The following EPHA6 variants were observed in gnomAD, a reference collection of about 807,000 sequenced individuals.
EPHA6 encodes the protein EPH receptor A6.
Under a neutral mutation model 112.0 loss-of-function variants are expected in EPHA6, and 50 were observed. That is an observed-to-expected ratio of 0.45 (90% CI 0.36 to 0.56). The LOEUF (loss-of-function observed/expected upper bound fraction) is 0.56, where lower values mean the gene tolerates loss of function less well. Ranked by LOEUF, EPHA6 falls within the 20% of genes least tolerant of loss-of-function variation. The pLI, the probability that EPHA6 is intolerant of heterozygous loss-of-function variation, is 0.00. For missense variants in EPHA6, 1,280 were observed against 1,417.4 expected (o/e 0.90, Z 1.56); for synonymous variants, 529 against 490.7 (o/e 1.08, Z -1.03).
intron 4 of EPHA6, among the ~76,000 whole-genome samples, chr3:97,236,076 T>G (rs955603137): frequency 4.6e-5 from 7 of 152,000 alleles, no homozygotes; most frequent in Admixed American, 3.9e-4. Flanking sequence ...TGCTCTGTAC[T>G]TTAAAGAATG....
At chr3:97,646,527 G>C (rs574295728) in intron 14 of EPHA6, among the ~76,000 whole-genome samples, 3 of 152,132 alleles carry the variant, frequency 2.0e-5, no homozygotes, top group African/African-American at 4.8e-5. Flanking sequence ...GTTTATTATA[G>C]AGCGACCATA....
chr3:97,539,030 T>TCTTTCTTG (rs894963306), intron 11 of EPHA6, among the ~76,000 whole-genome samples: 119 of 145,708 alleles, frequency 8.2e-4, no homozygotes, highest in East Asian at 2.6e-3. Flanking sequence ...TTTCTTTCTT[T>TCTTTCTTG]CTTTCTTGCT....
At chr3:97,318,696 T>C (rs1171084056) in intron 5 of EPHA6, among the ~76,000 whole-genome samples, 2 of 152,016 alleles carry the variant, frequency 1.3e-5, no homozygotes, top group East Asian at 1.9e-4. Context: ...ACTCACTATT[T>C]CTTTATTAAA....
intron 3 of EPHA6, among the ~76,000 whole-genome samples, chr3:97,026,783 A>AAT (rs2108000694): frequency 6.6e-6 from 1 of 152,308 alleles, no homozygotes; most frequent in Non-Finnish European, 1.5e-5. Flanking sequence ...AGTAAAAAAT[A>AAT]ATAGATGCTA....
intron 10 of EPHA6, among the ~76,000 whole-genome samples, chr3:97,490,075 G>T (rs1406739793): frequency 6.6e-6 from 1 of 151,854 alleles, no homozygotes; most frequent in Admixed American, 6.6e-5. Context: ...ATAAATGCTT[G>T]TTTAATAAAT....
At chr3:96,984,831 G>T (rs2042956990) in intron 2 of EPHA6, among the ~76,000 whole-genome samples, 1 of 152,230 alleles carries the variant, frequency 6.6e-6, no homozygotes, top group Non-Finnish European at 1.5e-5. Context: ...GGCTCCGTGG[G>T]CATGGCACCC....
chr3:97,301,829 A>G (rs986973755), intron 5 of EPHA6, among the ~76,000 whole-genome samples: 2 of 151,794 alleles, frequency 1.3e-5, no homozygotes, highest in South Asian at 4.1e-4. Flanking sequence ...TTATAATTAT[A>G]TAATGAATCT....
At chr3:97,630,265 G>A (rs775972377) in intron 13 of EPHA6, among the ~76,000 whole-genome samples, 1 of 151,778 alleles carries the variant, frequency 6.6e-6, no homozygotes, top group Non-Finnish European at 1.5e-5. Context: ...GACTACAAGA[G>A]AAAGATCTTT....
intron 3 of EPHA6, among the ~76,000 whole-genome samples, chr3:97,168,746 T>G (rs1477450800): frequency 1.3e-5 from 2 of 152,114 alleles, no homozygotes; most frequent in Non-Finnish European, 2.9e-5. Flanking sequence ...AATGGTCAGC[T>G]CATTAAGACC....
intron 6 of EPHA6, among the ~76,000 whole-genome samples, chr3:97,419,776 G>GA (rs1172570406): frequency 1.3e-5 from 2 of 151,932 alleles, no homozygotes; most frequent in African/African-American, 4.8e-5. Flanking sequence ...ACCAAAAATT[G>GA]AAAAAACTGA....
intron 3 of EPHA6, among the ~76,000 whole-genome samples, chr3:97,066,115 A>G (rs2046169295): frequency 1.3e-5 from 2 of 152,050 alleles, no homozygotes; most frequent in African/African-American, 4.8e-5. Flanking sequence ...TTAGAAATTT[A>G]TATTTCTAAT....
chr3:97,659,996 G>T (rs903370674), intron 14 of EPHA6, among the ~76,000 whole-genome samples: 6 of 151,948 alleles, frequency 3.9e-5, no homozygotes, highest in African/African-American at 1.4e-4. Flanking sequence ...GATGGGTATT[G>T]TTCTTATTCT....
At chr3:97,617,262 G>C (rs2093774601) in intron 13 of EPHA6, among the ~76,000 whole-genome samples, 2 of 152,004 alleles carry the variant, frequency 1.3e-5, no homozygotes, top group Non-Finnish European at 2.9e-5. Flanking sequence ...TGTCTTATAA[G>C]AGCTCCTGAA....
intron 1 of EPHA6, among the ~76,000 whole-genome samples, chr3:96,851,281 C>T (rs2035368701): frequency 6.6e-6 from 1 of 152,048 alleles, no homozygotes; most frequent in African/African-American, 2.4e-5. Flanking sequence ...TGACTATAAA[C>T]TCCAATAATA....
intron 14 of EPHA6, among the ~76,000 whole-genome samples, chr3:97,654,386 G>A (rs1162795321): frequency 6.6e-6 from 1 of 151,846 alleles, no homozygotes; most frequent in Non-Finnish European, 1.5e-5. Flanking sequence ...GTTTTGGTAG[G>A]TACTGTTCTG....
chr3:97,068,742 G>A (rs1374959611), intron 3 of EPHA6, among the ~76,000 whole-genome samples: 3 of 152,086 alleles, frequency 2.0e-5, no homozygotes, highest in Non-Finnish European at 1.5e-5. Flanking sequence ...TAGATCATGC[G>A]GGTAGAACAC....
At chr3:97,095,742 T>C (rs2108244360) in intron 3 of EPHA6, among the ~76,000 whole-genome samples, 1 of 151,408 alleles carries the variant, frequency 6.6e-6, no homozygotes, top group African/African-American at 2.4e-5. Context: ...TGTACCATCA[T>C]CACTTGAAGG....
chr3:97,214,653 C>T (rs78723673), intron 3 of EPHA6, among the ~76,000 whole-genome samples: 20 of 151,652 alleles, frequency 1.3e-4, no homozygotes, highest in Non-Finnish European at 2.8e-4. Flanking sequence ...AAATTATAAG[C>T]GTATTTTGAA....
At chr3:97,634,428 G>A (rs546709863) in intron 13 of EPHA6, among the ~76,000 whole-genome samples, 3 of 151,730 alleles carry the variant, frequency 2.0e-5, no homozygotes, top group Non-Finnish European at 4.4e-5. Context: ...CAATTGGATC[G>A]TGGATAAATA....
Sources: gnomAD v4.1 joint callset for allele counts (sites outside exome capture counted in the v4.1 genomes callset) on GRCh38, gnomAD v4.1.1 for gene constraint, MANE v1.5 for transcripts, NCBI Gene and HGNC (gene_info 2026-07-23, HGNC 2026-07-21) for gene names.